IQCJ: variants seen among roughly 807,000 people sequenced by gnomAD.
The protein encoded by IQCJ is IQ motif containing J.
In IQCJ, 9 loss-of-function variants were observed where a neutral mutation model predicts 11.0. That is an observed-to-expected ratio of 0.82 (90% CI 0.49 to 1.43). The LOEUF (loss-of-function observed/expected upper bound fraction) is 1.43. Among genes scored for constraint, IQCJ ranks in the 40% most tolerant of loss-of-function variants. The probability of loss-of-function intolerance (pLI) is 0.00; values close to 1 mark genes in which losing one functional copy is unlikely to be tolerated. For synonymous variants in IQCJ, 55 were observed against 51.3 expected, an observed-to-expected ratio of 1.07 and a Z score of -0.31; for missense variants, 146 against 133.2, an observed-to-expected ratio of 1.10 and a Z score of -0.47.
chr3:159,226,438 A>G (rs1475617132), intron 1 of IQCJ, among the ~76,000 whole-genome samples: 4 of 152,112 alleles, frequency 2.6e-5, no homozygotes, highest in Admixed American at 6.5e-5. Flanking sequence ...TGCTCTTATC[A>G]CCCCTATCAC....
At chr3:159,158,140 C>A (rs1721637185) in intron 1 of IQCJ, among the ~76,000 whole-genome samples, 2 of 152,178 alleles carry the variant, frequency 1.3e-5, no homozygotes, top group African/African-American at 4.8e-5. Flanking sequence ...TTCTTTTAAA[C>A]CAGTTTTTCT....
chr3:159,245,730 G>C, intron 1 of IQCJ, 113 bp from the exon 2 acceptor site: 1 of 897,128 alleles, frequency 1.1e-6, no homozygotes, highest in Non-Finnish European at 1.7e-6. Flanking sequence ...CCAAAGTGCA[G>C]TCCAGAACTC....
intron 1 of IQCJ, among the ~76,000 whole-genome samples, chr3:159,184,191 AG>A (rs1723257538): frequency 6.6e-6 from 1 of 151,914 alleles, no homozygotes; most frequent in South Asian, 2.1e-4. Flanking sequence ...TACTATACTT[AG>A]GTTATGTTTG....
At position 159,180,304 on chromosome 3, in the gene IQCJ, G is replaced by GTCTCTCTCTCTC. The variant is rs200690205; in HGVS notation, c.10-65530_10-65529insCTCTCTCTCTCT. Among the ~76,000 whole-genome samples, 101 of 152,036 alleles carry GTCTCTCTCTCTC rather than the reference G, an allele frequency of 6.6e-4. 1 individual carries two copies. The highest frequency in any genetic ancestry group is 2.3e-3 in the African/African-American group (97 of 41,424). The stretch of plus-strand genomic sequence containing the variant: ...GACATTTCTCTCTCTCTCTCTTTCT[G>GTCTCTCTCTCTC]TCTCTCTCTGTCACACACACATATA... On this transcript the variant is annotated intron_variant, in intron 1 of 3. Transcript: ENST00000397832.
chr3:159,237,436 C>T (rs1196529638), intron 1 of IQCJ, among the ~76,000 whole-genome samples: 2 of 152,144 alleles, frequency 1.3e-5, no homozygotes, highest in Non-Finnish European at 2.9e-5. Context: ...AGGGTAAAGC[C>T]AGACACAAAA....
chr3:159,193,347 T>A (rs1723796883), intron 1 of IQCJ, among the ~76,000 whole-genome samples: 1 of 152,212 alleles, frequency 6.6e-6, no homozygotes, highest in South Asian at 2.1e-4. Context: ...TGTACTGGCC[T>A]TGAAAGGTGT....
intron 1 of IQCJ, among the ~76,000 whole-genome samples, chr3:159,193,564 G>T (rs1723810281): frequency 6.6e-6 from 1 of 152,214 alleles, no homozygotes; most frequent in South Asian, 2.1e-4. Context: ...GATGTTATGT[G>T]TGGTTCCATG....
At chr3:159,088,351 T>C (rs1475203518) in intron 1 of IQCJ, among the ~76,000 whole-genome samples, 2 of 152,144 alleles carry the variant, frequency 1.3e-5, no homozygotes, top group Non-Finnish European at 2.9e-5. Context: ...ATGTGGTCAA[T>C]TTTGGAATAT....
intron 1 of IQCJ, among the ~76,000 whole-genome samples, chr3:159,134,885 A>T (rs1322522055): frequency 6.6e-6 from 1 of 152,232 alleles, no homozygotes; most frequent in Non-Finnish European, 1.5e-5. Context: ...TGATAATAAA[A>T]CATGCAACAT....
intron 1 of IQCJ, among the ~76,000 whole-genome samples, chr3:159,105,807 G>A (rs978367645): frequency 6.6e-6 from 1 of 152,136 alleles, no homozygotes; most frequent in African/African-American, 2.4e-5. Context: ...TGGACAGATA[G>A]ATAGATACAT....
intron 1 of IQCJ, among the ~76,000 whole-genome samples, chr3:159,133,433 A>G (rs1720108726): frequency 6.6e-6 from 1 of 152,246 alleles, no homozygotes; most frequent in Non-Finnish European, 1.5e-5. Context: ...GAAATCACTG[A>G]CATTCTAAAT....
At chr3:159,085,014 CCACT>C (rs1254460036) in intron 1 of IQCJ, among the ~76,000 whole-genome samples, 1 of 151,838 alleles carries the variant, frequency 6.6e-6, no homozygotes, top group Non-Finnish European at 1.5e-5. Flanking sequence ...TGTGCTGCAC[CCACT>C]AACTCGTCAT....
At chr3:159,075,401 T>A (rs1160425778) in intron 1 of IQCJ, among the ~76,000 whole-genome samples, 1 of 152,086 alleles carries the variant, frequency 6.6e-6, no homozygotes, top group Non-Finnish European at 1.5e-5. Context: ...CTGCCTACAT[T>A]GACTTGTGCC....
chr3:159,202,958 A>T (rs1724439530), intron 1 of IQCJ, among the ~76,000 whole-genome samples: 1 of 152,090 alleles, frequency 6.6e-6, no homozygotes, highest in Non-Finnish European at 1.5e-5. Context: ...GCCCACAGAC[A>T]AGTAACATAG....
At chr3:159,187,680 G>A in intron 1 of IQCJ, among the ~76,000 whole-genome samples, 1 of 152,228 alleles carries the variant, frequency 6.6e-6, no homozygotes, top group East Asian at 1.9e-4. Flanking sequence ...GAAGCTCGAA[G>A]GATGGCACCA....
chr3:159,170,281 T>G (rs1722417596), intron 1 of IQCJ, among the ~76,000 whole-genome samples: 1 of 151,804 alleles, frequency 6.6e-6, no homozygotes, highest in Admixed American at 6.6e-5. Flanking sequence ...TTTTTCAAGA[T>G]TATAAAGCAT....
chr3:159,174,162 A>C (rs1176962214), intron 1 of IQCJ, among the ~76,000 whole-genome samples: 1 of 151,986 alleles, frequency 6.6e-6, no homozygotes, highest in Non-Finnish European at 1.5e-5. Context: ...AATATTGGCC[A>C]GTTCTAGTTT....
At chr3:159,232,413 T>G (rs1726310292) in intron 1 of IQCJ, among the ~76,000 whole-genome samples, 1 of 151,742 alleles carries the variant, frequency 6.6e-6, no homozygotes, top group Non-Finnish European at 1.5e-5. Context: ...CAGGAGCAGG[T>G]TGTTCAGTTT....
intron 1 of IQCJ, among the ~76,000 whole-genome samples, chr3:159,135,952 A>G (rs1200877216): frequency 6.6e-6 from 1 of 152,232 alleles, no homozygotes; most frequent in Admixed American, 6.5e-5. Flanking sequence ...TGCTTTTTAA[A>G]TAATAATTCA....
Sources: gnomAD v4.1 joint callset for allele counts (sites outside exome capture counted in the v4.1 genomes callset) on GRCh38, gnomAD v4.1.1 for gene constraint, MANE v1.5 for transcripts, NCBI Gene and HGNC (gene_info 2026-07-23, HGNC 2026-07-21) for gene names.